Variants in SLC30A8 observed in about 807,000 individuals in gnomAD.
The protein encoded by SLC30A8 is proton-coupled zinc antiporter SLC30A8.
Under a neutral mutation model 36.9 loss-of-function variants are expected in SLC30A8, and 27 were observed. The ratio of observed to expected loss-of-function variants is 0.73; its 90% CI spans 0.54 to 1.01. SLC30A8 has a LOEUF of 1.01. Ranked by LOEUF, SLC30A8 falls within the 50% of genes least tolerant of loss-of-function variation. The pLI, the probability that SLC30A8 is intolerant of heterozygous loss-of-function variation, is 0.00. For synonymous variants in SLC30A8, 164 were observed against 172.4 expected (o/e 0.95, Z 0.38); for missense variants, 439 against 452.0 (o/e 0.97, Z 0.26).
chr8:117,139,596 A>T lies in SLC30A8; in HGVS notation c.71+4198A>T, dbSNP rs553577406. 4.0e-4 allele frequency among the ~76,000 whole-genome samples: 61 copies of T among 152,216 alleles called. 1 individual carries two copies. Among genetic ancestry groups the T allele is most frequent in the African/African-American group, 1.4e-3 (60 of 41,572 alleles). On this transcript the variant is annotated intron_variant, in intron 1 of 7. Coordinates refer to ENST00000456015, the MANE Select transcript of SLC30A8 (RefSeq NM_173851.3). ...TGGATCAGATTGTTGGTCAATTCAT[A>T]CCTCAGGGTATTATTGAAAACCATA... is the stretch of plus-strand genomic sequence containing the variant.
chr8:116,952,704 A>T (rs186983926), intron 1 of SLC30A8, among the ~76,000 whole-genome samples: 1,759 of 152,134 alleles, frequency 0.012, 15 homozygotes, highest in Middle Eastern at 0.024. Context: ...TGACCCGCCC[A>T]CCTTGGCCTC....
At chr8:116,977,853 T>TG (rs1815107496) in intron 1 of SLC30A8, among the ~76,000 whole-genome samples, 1 of 152,170 alleles carries the variant, frequency 6.6e-6, no homozygotes, top group African/African-American at 2.4e-5. Flanking sequence ...GGAAAGCCTG[T>TG]TTTGCCTGGC....
At chr8:117,043,238 C>CT (rs1189595269) in intron 2 of SLC30A8, among the ~76,000 whole-genome samples, 2 of 152,176 alleles carry the variant, frequency 1.3e-5, no homozygotes, top group African/African-American at 4.8e-5. Flanking sequence ...CATGCTAGAG[C>CT]TTATCAAGTT....
At chr8:117,011,320 G>A (rs1816337701) in intron 1 of SLC30A8, among the ~76,000 whole-genome samples, 1 of 152,138 alleles carries the variant, frequency 6.6e-6, no homozygotes, top group African/African-American at 2.4e-5. Context: ...CAGGAGTCTT[G>A]ACCAACGTTT....
intron 1 of SLC30A8, among the ~76,000 whole-genome samples, chr8:116,997,997 A>G (rs186708250): frequency 6.6e-6 from 1 of 152,314 alleles, no homozygotes; most frequent in Non-Finnish European, 1.5e-5. Context: ...GTGTCTGTGG[A>G]GTCTAAAAAG....
upstream of SLC30A8, among the ~76,000 whole-genome samples, chr8:117,130,914 C>A (rs990076956): frequency 6.6e-6 from 1 of 151,902 alleles, no homozygotes; most frequent in African/African-American, 2.4e-5. Context: ...TTTCTCCCCC[C>A]AAAAATAATG....
chr8:117,097,410 A>ATATATATATATATATATATAT (rs1563593753), intron 2 of SLC30A8, among the ~76,000 whole-genome samples: 1 of 122,734 alleles, frequency 8.1e-6, no homozygotes, highest in African/African-American at 3.3e-5. Flanking sequence ...AAAAAAAAAA[A>ATATATATATATATATATATAT]AAAAAAAAAT....
intron 2 of SLC30A8, among the ~76,000 whole-genome samples, chr8:117,106,499 G>A (rs887224786): frequency 6.6e-6 from 1 of 152,170 alleles, no homozygotes; most frequent in Non-Finnish European, 1.5e-5. Context: ...GATTGTTAGA[G>A]TAAGAAGGAA....
At chr8:117,066,688 C>T (rs1389005951) in intron 2 of SLC30A8, among the ~76,000 whole-genome samples, 3 of 152,044 alleles carry the variant, frequency 2.0e-5, no homozygotes, top group Non-Finnish European at 2.9e-5. Context: ...CCAATCATCT[C>T]ATAGTGCTAG....
At chr8:117,041,199 A>G (rs1817377993) in intron 2 of SLC30A8, among the ~76,000 whole-genome samples, 5 of 152,208 alleles carry the variant, frequency 3.3e-5, no homozygotes, top group Admixed American at 2.0e-4. Flanking sequence ...TAAATAATGT[A>G]AAGGTTTTCT....
At chr8:117,085,402 C>T (rs147307097) in intron 2 of SLC30A8, among the ~76,000 whole-genome samples, 3 of 152,250 alleles carry the variant, frequency 2.0e-5, no homozygotes, top group East Asian at 1.9e-4. Context: ...GTAGAAATTA[C>T]TCATCCTCTA....
At chr8:117,082,285 A>C (rs993725977) in intron 2 of SLC30A8, among the ~76,000 whole-genome samples, 6 of 152,228 alleles carry the variant, frequency 3.9e-5, no homozygotes, top group Non-Finnish European at 2.9e-5. Flanking sequence ...GTCTAGATGA[A>C]GTATGTAATG....
At chr8:117,057,326 A>G (rs191142262) in intron 2 of SLC30A8, among the ~76,000 whole-genome samples, 1 of 152,336 alleles carries the variant, frequency 6.6e-6, no homozygotes, top group East Asian at 1.9e-4. Flanking sequence ...ATATTGTATA[A>G]CGCTTACCAC....
intron 2 of SLC30A8, among the ~76,000 whole-genome samples, chr8:117,085,994 G>A (rs981138164): frequency 7.9e-5 from 12 of 152,158 alleles, no homozygotes; most frequent in African/African-American, 2.9e-4. Context: ...GTTTGGAACT[G>A]CTTATTTTTC....
At chr8:117,038,319 T>C (rs1817278905) in intron 1 of SLC30A8, among the ~76,000 whole-genome samples, 2 of 152,214 alleles carry the variant, frequency 1.3e-5, no homozygotes, top group Admixed American at 1.3e-4. Context: ...CAGAGATCGA[T>C]ATGTACATCT....
chr8:117,137,784 A>G (rs1052788769), intron 1 of SLC30A8, among the ~76,000 whole-genome samples: 1 of 152,014 alleles, frequency 6.6e-6, no homozygotes, highest in Non-Finnish European at 1.5e-5. Context: ...AGATAGCTTA[A>G]GCCCAGAACT....
At chr8:117,089,904 C>G (rs1819034199) in intron 2 of SLC30A8, among the ~76,000 whole-genome samples, 1 of 152,182 alleles carries the variant, frequency 6.6e-6, no homozygotes, top group African/African-American at 2.4e-5. Flanking sequence ...TTTTCCTGGA[C>G]ATGCCTTGCT....
At chr8:117,056,397 G>C (rs180799089) in intron 2 of SLC30A8, among the ~76,000 whole-genome samples, 1 of 152,132 alleles carries the variant, frequency 6.6e-6, no homozygotes, top group African/African-American at 2.4e-5. Flanking sequence ...GTCAGGGCTC[G>C]CGCTGTGGGG....
At chr8:117,077,380 A>G (rs1025280630) in intron 2 of SLC30A8, among the ~76,000 whole-genome samples, 2 of 152,216 alleles carry the variant, frequency 1.3e-5, no homozygotes, top group African/African-American at 4.8e-5. Context: ...TTGTATAGGC[A>G]TCTCTGTGCT....
Sources: gnomAD v4.1 joint callset for allele counts (sites outside exome capture counted in the v4.1 genomes callset) on GRCh38, gnomAD v4.1.1 for gene constraint, MANE v1.5 for transcripts, NCBI Gene and HGNC (gene_info 2026-07-23, HGNC 2026-07-21) for gene names.